NUTM1: variants seen among roughly 807,000 people sequenced by gnomAD.
NUTM1 encodes the protein NUT midline carcinoma family member 1, also known as NUT family member 1.
In NUTM1, 39 loss-of-function variants were observed where a neutral mutation model predicts 88.7. That is an observed-to-expected ratio of 0.44 (90% CI 0.34 to 0.57). NUTM1 has a LOEUF of 0.57. Among genes scored for constraint, NUTM1 ranks in the 20% least tolerant of loss-of-function variants. The pLI, the probability that NUTM1 is intolerant of heterozygous loss-of-function variation, is 0.01. For synonymous variants in NUTM1, 494 were observed against 538.0 expected, an observed-to-expected ratio of 0.92 and a Z score of 1.13; for missense variants, 1,350 against 1,414.5, an observed-to-expected ratio of 0.95 and a Z score of 0.73.
At position 34,348,562 on chromosome 15, in the gene NUTM1, T is replaced by C. The variant is rs1890651695; in HGVS notation, c.694T>C (p.Ser232Pro). The change falls in exon 3 of 8, where the codon TCC becomes CCC. Residue 232 changes from serine to proline, a missense_variant. By Grantham distance (74) the Ser-to-Pro change is moderately conservative. Transcript: ENST00000537011. ...TLSKPSLGDR[S>P]KISKDVYENF... ...ATCCAAGCCTTCCCTAGGTGACCGC[T>C]CCAAAATTTCCAAGGACGTTTATGA... The C allele has an allele frequency of 5.6e-6, 9 of 1,613,648 alleles. No homozygotes were observed. The highest frequency in any genetic ancestry group is 7.6e-6 in the Non-Finnish European group (9 of 1,180,018).
chr15:34,357,282 A>C lies in NUTM1; in HGVS notation c.3274A>C (p.Lys1092Gln), dbSNP rs1206055581. ...CCCTGCTGGAGCAAAAGGCCCCAGC[A>C]AACTTCCATATCCTGTTGCCAAGTC... ...LLPAGAKGPS[K>Q]LPYPVAKSGK... Residue 1092 changes from lysine (K) to glutamine (Q), a missense_variant, in exon 8 of 8, where the codon AAA becomes CAA. Transcript: ENST00000537011. 1 of 1,614,022 alleles carries C rather than the reference A, an allele frequency of 6.2e-7. No individual in the cohort carries two copies. Among genetic ancestry groups the C allele is most frequent in the Non-Finnish European group, 8.5e-7 (1 of 1,180,028 alleles).
At chr15:34,354,909 A>G in intron 6 of NUTM1, 112 bp from the exon 7 acceptor site, 1 of 1,022,384 alleles carries the variant, frequency 9.8e-7, no homozygotes, top group Non-Finnish European at 1.5e-6. Flanking sequence ...AGTTTACAAT[A>G]CCGGAGGGGT....
At chr15:34,350,880 G>C (rs753291226) in intron 4 of NUTM1, 48 bp downstream of exon 4, 3 of 1,610,442 alleles carry the variant, frequency 1.9e-6, no homozygotes, top group Non-Finnish European at 2.5e-6. Flanking sequence ...GTGTGGCTGA[G>C]AGCAGTAAGG....
chr15:34,348,944 T>A (rs1487145157), intron 3 of NUTM1, among the ~76,000 whole-genome samples: 1 of 152,216 alleles, frequency 6.6e-6, no homozygotes, highest in Non-Finnish European at 1.5e-5. Flanking sequence ...AATCTTCATT[T>A]ACAGATAAGA....
intron 1 of NUTM1, among the ~76,000 whole-genome samples, chr15:34,344,800 T>C (rs990338472): frequency 1.3e-5 from 2 of 152,002 alleles, no homozygotes; most frequent in Non-Finnish European, 2.9e-5. Context: ...GGGCGGATCA[T>C]GAGGTCAGGA....
At chr15:34,349,343 A>T (rs1050420986) in intron 3 of NUTM1, among the ~76,000 whole-genome samples, 1 of 152,220 alleles carries the variant, frequency 6.6e-6, no homozygotes, top group African/African-American at 2.4e-5. Context: ...CCTAATTCAC[A>T]GAGTTGCTGA....
rs772852898 is a variant in NUTM1, at chr15:34,348,109, T to G, written c.241T>G (p.Ser81Ala). 6 of 1,613,940 alleles carry G rather than the reference T, an allele frequency of 3.7e-6. No homozygotes were observed. The highest frequency in any genetic ancestry group is 5.1e-6 in the Non-Finnish European group (6 of 1,179,996). The change falls in exon 3 of 8, where the codon TCA (serine) becomes GCA (alanine). Residue 81 changes from serine (S) to alanine (A), a missense_variant. This residue lies in a region of NUTM1 where 399 missense variants were observed against 397.9 expected (regional missense o/e 1.00). Coordinates refer to ENST00000537011, the MANE Select transcript of NUTM1 (RefSeq NM_001284292.2). ...GCCACCTCCACAGCCCATCATGCCT[T>G]CAGTATTCTCTCCAGACAACCCTCT... ...REPPPQPIMP[S>A]VFSPDNPLML...
chr15:34,347,954 T>C lies in NUTM1; in HGVS notation c.101-15T>C, dbSNP rs1295272112. On this transcript the variant is annotated splice_polypyrimidine_tract_variant and intron_variant, in intron 2 of 7. Transcript: ENST00000537011. ...TTTCTCCTACTCCATTTCTTCTTTT[T>C]CTTTGTCTCAACAGCATCTGCATTG... 1.2e-5 allele frequency: 18 copies of C among 1,542,074 alleles called. No homozygotes were observed. Among genetic ancestry groups the C allele is most frequent in the Non-Finnish European group, 1.6e-5 (18 of 1,130,096 alleles).
chr15:34,345,940 A>G lies in NUTM1; in HGVS notation c.7-2A>G. 3 of 1,613,998 alleles carry G rather than the reference A, an allele frequency of 1.9e-6. No homozygotes were observed. Among genetic ancestry groups the G allele is most frequent in the Non-Finnish European group, 2.5e-6 (3 of 1,179,934 alleles). Reference sequence around the variant, plus strand: ...GGATCCCTGTGCACCTACTGGAGCCAGGTTACTCTGGGTCCTGGACCTGAC... The same window carrying G: ...GGATCCCTGTGCACCTACTGGAGCCGGGTTACTCTGGGTCCTGGACCTGAC... On this transcript the variant is annotated splice_acceptor_variant, in intron 1 of 7. Transcript: ENST00000537011. LOFTEE classifies it high-confidence loss of function.
chr15:34,354,143 G>A (rs186429227), intron 5 of NUTM1, among the ~76,000 whole-genome samples: 6 of 152,064 alleles, frequency 3.9e-5, no homozygotes, highest in Admixed American at 3.9e-4. Flanking sequence ...CCTAAGAAAT[G>A]GGGACTGGAT....
At chr15:34,346,103 C>A in intron 2 of NUTM1, 68 bp downstream of exon 2, 1 of 1,519,596 alleles carries the variant, frequency 6.6e-7, no homozygotes, top group Non-Finnish European at 9.1e-7. Context: ...GCTCTCTGGG[C>A]TGACCTAAAG....
intron 3 of NUTM1, 101 bp from the exon 4 acceptor site, chr15:34,350,603 T>C: frequency 7.0e-7 from 1 of 1,435,228 alleles, no homozygotes; most frequent in Non-Finnish European, 9.4e-7. Context: ...AGGGGCACAA[T>C]AGATTTGATG....
chr15:34,344,055 A>C (rs901795131), intron 1 of NUTM1, among the ~76,000 whole-genome samples: 7 of 150,078 alleles, frequency 4.7e-5, no homozygotes, highest in African/African-American at 1.7e-4. Context: ...CCCCGTCTCT[A>C]CTAAAAATAC....
chr15:34,348,511 G>A lies in NUTM1; in HGVS notation c.643G>A (p.Gly215Arg), dbSNP rs549911337. The change falls in exon 3 of 8, where the codon GGG becomes AGG. Residue 215 changes from glycine (G) to arginine (R), a missense_variant. Transcript: ENST00000537011. ...KAWPGPHGTTGEGGPVATLSK... is the reference protein window; with the variant it reads ...KAWPGPHGTTREGGPVATLSK... ...TTGGCCAGGGCCACATGGGACAACC[G>A]GGGAAGGAGGTCCTGTGGCCACTCT... 31 of 1,614,168 alleles carry A rather than the reference G, an allele frequency of 1.9e-5. 1 individual carries two copies. Among genetic ancestry groups the A allele is most frequent in the South Asian group, 1.4e-4 (13 of 91,086 alleles).
chr15:34,355,996 G>A lies in NUTM1; in HGVS notation c.1988G>A (p.Ser663Asn). 1 of 1,614,188 alleles carries A rather than the reference G, an allele frequency of 6.2e-7. No homozygotes were observed. The highest frequency in any genetic ancestry group is 1.3e-5 in the African/African-American group (1 of 75,050). ...GGCTTCCAGCCTGAGAGCACTCCCAGTTTGGATGCTGGACTTGCAGAGCTG... is the reference window on the plus strand; with the variant it reads ...GGCTTCCAGCCTGAGAGCACTCCCAATTTGGATGCTGGACTTGCAGAGCTG... ...QGGFQPESTP[S>N]LDAGLAELAP... The change falls in exon 8 of 8, where the codon AGT (serine) becomes AAT (asparagine). Residue 663 changes from serine to asparagine, a missense_variant. Ser to Asn is a conservative substitution (Grantham distance 46). Around this residue, in one of 5 missense-constraint regions of NUTM1, gnomAD observed 730 missense variants for 728.8 expected, o/e 1.00. Transcript: ENST00000537011. This position sits in a 1 kb window ranked among gnomAD's most constrained non-coding sequence, Gnocchi z 4.3.
In NUTM1 at chr15:34,355,824, C is replaced by A; in HGVS notation, c.1816C>A (p.Pro606Thr). Reference protein sequence around the residue: ...ELAAPQGTPGPLGVERRGSGK... With the variant: ...ELAAPQGTPGTLGVERRGSGK... ...TGCAGCTCCACAGGGAACTCCGGGA[C>A]CCTTGGGTGTGGAGAGGAGAGGGTC... The change falls in exon 8 of 8, where the codon CCC becomes ACC. Residue 606 changes from proline to threonine, a missense_variant. By Grantham distance (38) the Pro-to-Thr change is conservative. Transcript: ENST00000537011. The surrounding 1 kb of genome is among the most constrained non-coding windows in gnomAD (Gnocchi z 4.3). The A allele has an allele frequency of 1.2e-6, 2 of 1,614,132 alleles. No homozygotes were observed. The highest frequency in any genetic ancestry group is 1.7e-6 in the Non-Finnish European group (2 of 1,180,038).
At position 34,343,378 on chromosome 15, in the gene NUTM1, G is replaced by A. The variant is rs2140147921; in HGVS notation, c.-319G>A. The A allele has an allele frequency of 5.0e-6, 3 of 605,348 alleles. No individual in the cohort carries two copies. Among genetic ancestry groups the A allele is most frequent in the Non-Finnish European group, 2.9e-6 (1 of 343,150 alleles). 37.5% of individuals were successfully genotyped at this position (605,348 alleles called of 1,614,324 possible). ...GGATGGATGTGGATAGAATATTGAC[G>A]TATAGAAGCCTGTCTTTGTCTCAAG... On this transcript the variant is annotated 5_prime_UTR_variant, in exon 1 of 8. Transcript: ENST00000537011.
Position 34,348,467 on chromosome 15 carries a change from T to C in NUTM1, c.599T>C (p.Ile200Thr). 9 of 1,614,142 alleles carry C rather than the reference T, an allele frequency of 5.6e-6. 1 individual carries two copies. The highest frequency in any genetic ancestry group is 4.4e-5 in the South Asian group (4 of 91,076). The stretch of plus-strand genomic sequence containing the variant: ...CCACCAGTTGCTCAACTGGTCCCCA[T>C]TGTGCCCCTGGAAAAAGCTTGGCCA... ...PPPPVAQLVP[I>T]VPLEKAWPGP... is the part of the protein sequence containing the mutation. Residue 200 changes from isoleucine to threonine, a missense_variant, in exon 3 of 8, where the codon ATT becomes ACT. Physicochemically the swap from Ile to Thr is moderately conservative, Grantham distance 89. Transcript: ENST00000537011.
At position 34,356,647 on chromosome 15, in the gene NUTM1, G is replaced by A. The variant is rs1412631009; in HGVS notation, c.2639G>A (p.Gly880Glu). 2 of 1,613,686 alleles carry A rather than the reference G, an allele frequency of 1.2e-6. No individual in the cohort carries two copies. The highest frequency in any genetic ancestry group is 8.5e-7 in the Non-Finnish European group (1 of 1,179,926). Residue 880 changes from glycine to glutamate, a missense_variant, in exon 8 of 8, where the codon GGG (glycine) becomes GAG (glutamate). Physicochemically the swap from Gly to Glu is moderately conservative, Grantham distance 98 (BLOSUM62 -2). This residue lies in a region of NUTM1 where 730 missense variants were observed against 728.8 expected (regional missense o/e 1.00). Transcript: ENST00000537011. ...PLLESGDSTL[G>E]SSKETLPPTC... ...CTAGAAAGTGGTGATTCCACACTGGGGTCTTCCAAAGAAACCCTTCCACCC... is the reference window on the plus strand; with the variant it reads ...CTAGAAAGTGGTGATTCCACACTGGAGTCTTCCAAAGAAACCCTTCCACCC...
Sources: allele counts gnomAD v4.1 joint callset (sites outside exome capture counted in the v4.1 genomes callset), GRCh38; gene constraint gnomAD v4.1.1; regional missense constraint gnomAD v4.1.1; non-coding constraint Gnocchi (gnomAD v3.1); transcripts MANE v1.5; gene names NCBI Gene and HGNC (gene_info 2026-07-23, HGNC 2026-07-21).